SLC27A6: variants seen among roughly 807,000 people sequenced by gnomAD.
SLC27A6 encodes the protein long-chain fatty acid transport protein 6.
In SLC27A6, 74 loss-of-function variants were observed where a neutral mutation model predicts 63.9. The observed-to-expected ratio is 1.16, with a 90% CI of 0.96 to 1.40. The LOEUF is 1.40. SLC27A6 is among the 40% of genes most tolerant of loss of function. The probability of loss-of-function intolerance (pLI) is 0.00; values close to 1 mark genes in which losing one functional copy is unlikely to be tolerated. For missense variants in SLC27A6, 794 were observed against 732.9 expected (o/e 1.08, Z -0.96); for synonymous variants, 287 against 260.8 (o/e 1.10, Z -0.97).
chr5:128,994,683 A>G (rs1362223143), intron 4 of SLC27A6, among the ~76,000 whole-genome samples: 2 of 152,198 alleles, frequency 1.3e-5, no homozygotes, highest in South Asian at 2.1e-4. Flanking sequence ...AAGCAAAACC[A>G]TGTGGTTTTA....
chr5:129,018,546 C>T (rs182579554), intron 5 of SLC27A6, among the ~76,000 whole-genome samples: 15 of 152,140 alleles, frequency 9.9e-5, no homozygotes, highest in African/African-American at 3.4e-4. Flanking sequence ...TGAACGAAAG[C>T]ATTTTGGGGA....
At chr5:128,989,074 A>C (rs1211305687) in intron 3 of SLC27A6, among the ~76,000 whole-genome samples, 2 of 152,190 alleles carry the variant, frequency 1.3e-5, no homozygotes, top group Admixed American at 6.5e-5. Flanking sequence ...AAATGTTCCA[A>C]GGGAGTGAGT....
chr5:128,966,266 G>C lies in SLC27A6; in HGVS notation c.129G>C (p.Arg43=), dbSNP rs1343682981. The part of the protein sequence containing the change: ...FVLKVVLIII[R]LKKYEKRGEL... ...TGAAGGTGGTGCTCATTATAATTCGGCTGAAGAAGTATGAAAAGAGAGGGG... is the reference window on the plus strand; with the variant it reads ...TGAAGGTGGTGCTCATTATAATTCGCCTGAAGAAGTATGAAAAGAGAGGGG... The change falls in exon 1 of 10, where the codon CGG becomes CGC. Residue 43 remains arginine, a synonymous_variant. Coordinates refer to ENST00000262462, the MANE Select transcript of SLC27A6 (RefSeq NM_001017372.3). 6.2e-7 allele frequency: 1 copy of C among 1,613,898 alleles called. No individual in the cohort carries two copies. Among genetic ancestry groups the C allele is most frequent in the East Asian group, 2.2e-5 (1 of 44,886 alleles).
At chr5:128,998,306 A>G (rs66496171) in intron 4 of SLC27A6, among the ~76,000 whole-genome samples, 34,475 of 151,614 alleles carry the variant, frequency 0.23, 4,020 homozygotes, top group Middle Eastern at 0.29. Flanking sequence ...AAATAAAAAA[A>G]GTAATATTTT....
At chr5:129,014,613 G>A (rs1751830248) in intron 4 of SLC27A6, among the ~76,000 whole-genome samples, 2 of 152,118 alleles carry the variant, frequency 1.3e-5, no homozygotes, top group African/African-American at 4.8e-5. Flanking sequence ...ACCCAAACTG[G>A]TGTCTGTCTG....
chr5:129,011,981 C>G (rs543918087), intron 4 of SLC27A6, among the ~76,000 whole-genome samples: 2 of 151,598 alleles, frequency 1.3e-5, no homozygotes, highest in African/African-American at 2.4e-5. Flanking sequence ...ATAGATATAT[C>G]TATATATGGT....
intron 4 of SLC27A6, among the ~76,000 whole-genome samples, chr5:128,991,322 C>T (rs1750974980): frequency 6.6e-6 from 1 of 152,150 alleles, no homozygotes; most frequent in Non-Finnish European, 1.5e-5. Context: ...CCTAGGAAAT[C>T]CAGCTAGTCC....
intron 6 of SLC27A6, 58 bp downstream of exon 6, chr5:129,023,768 G>A: frequency 1.6e-6 from 2 of 1,220,776 alleles, no homozygotes; most frequent in South Asian, 1.3e-5. Flanking sequence ...CCTGTATACA[G>A]ACATCCCTTG....
intron 9 of SLC27A6, 22 bp from the exon 10 acceptor site, chr5:129,033,084 C>T: frequency 6.4e-7 from 1 of 1,561,060 alleles, no homozygotes; most frequent in Non-Finnish European, 8.8e-7. Context: ...TGATTCTACT[C>T]ATCCTGGTAA....
At chr5:129,028,490 C>T (rs1240800660) in intron 8 of SLC27A6, 48 bp downstream of exon 8, 12 of 1,100,156 alleles carry the variant, frequency 1.1e-5, no homozygotes, top group Non-Finnish European at 1.6e-5. Context: ...ATAGAATTGC[C>T]ACTATTCTCT....
At chr5:129,007,281 T>A (rs1751573453) in intron 4 of SLC27A6, among the ~76,000 whole-genome samples, 1 of 151,566 alleles carries the variant, frequency 6.6e-6, no homozygotes, top group Non-Finnish European at 1.5e-5. Flanking sequence ...CCATCTCTAC[T>A]AAAAATACAA....
intron 5 of SLC27A6, among the ~76,000 whole-genome samples, chr5:129,022,790 A>C (rs1348191136): frequency 6.6e-6 from 1 of 152,108 alleles, no homozygotes; most frequent in African/African-American, 2.4e-5. Flanking sequence ...TCATCACTGC[A>C]CTGTAGCCTG....
intron 6 of SLC27A6, 23 bp downstream of exon 6, chr5:129,023,733 TCTC>T: frequency 2.6e-6 from 4 of 1,534,890 alleles, no homozygotes; most frequent in Non-Finnish European, 3.6e-6. Flanking sequence ...TTTGAAGACA[TCTC>T]CTCAAGCAAA....
chr5:128,972,683 G>A (rs1178324043), intron 1 of SLC27A6, among the ~76,000 whole-genome samples: 1 of 152,046 alleles, frequency 6.6e-6, no homozygotes, highest in Admixed American at 6.6e-5. Context: ...TTTTTTCAAG[G>A]TTTTTAGCTT....
At chr5:129,024,859 G>GT (rs1483986022) in intron 6 of SLC27A6, among the ~76,000 whole-genome samples, 3 of 151,956 alleles carry the variant, frequency 2.0e-5, no homozygotes. Flanking sequence ...TTATTTTCTG[G>GT]TAGCTGAAAG....
intron 4 of SLC27A6, among the ~76,000 whole-genome samples, chr5:128,994,510 T>C (rs1486863144): frequency 6.6e-6 from 1 of 152,158 alleles, no homozygotes; most frequent in Non-Finnish European, 1.5e-5. Context: ...GACATTCCCT[T>C]GAAATGAAGG....
At position 129,033,493 on chromosome 5, in the gene SLC27A6, A is replaced by T; in HGVS notation, c.*211A>T. 3.7e-6 allele frequency: 1 copy of T among 269,550 alleles called. No homozygotes were observed. Among genetic ancestry groups the T allele is most frequent in the Non-Finnish European group, 6.9e-6 (1 of 145,034 alleles). The allele number at this position is 269,550 out of a possible 1,614,324, so 16.7% of individuals were successfully genotyped here. On this transcript the variant is annotated 3_prime_UTR_variant, in exon 10 of 10. Transcript: ENST00000262462. ...GATTATTCTTTTTATCTATTTGGAG[A>T]TTCAGTGCATAACTAAGTATTTTCC...
At chr5:129,000,995 C>T (rs1751315019) in intron 4 of SLC27A6, among the ~76,000 whole-genome samples, 1 of 152,204 alleles carries the variant, frequency 6.6e-6, no homozygotes, top group African/African-American at 2.4e-5. Flanking sequence ...AGTAAGCCGA[C>T]TTTGTGCTGT....
chr5:129,025,057 A>T (rs1752191157), intron 6 of SLC27A6, among the ~76,000 whole-genome samples: 1 of 152,160 alleles, frequency 6.6e-6, no homozygotes. Context: ...TATTTCTTAC[A>T]ATTATAGTAA....
Sources: gnomAD v4.1 joint callset for allele counts (sites outside exome capture counted in the v4.1 genomes callset) on GRCh38, gnomAD v4.1.1 for gene constraint, MANE v1.5 for transcripts, NCBI Gene and HGNC (gene_info 2026-07-23, HGNC 2026-07-21) for gene names.